LMOD1: variants seen among roughly 807,000 people sequenced by gnomAD.
LMOD1 encodes the protein leiomodin-1.
Under a neutral mutation model 36.5 loss-of-function variants are expected in LMOD1, and 8 were observed. That is an observed-to-expected ratio of 0.22 (90% CI 0.13 to 0.40). The LOEUF is 0.40. Ranked by LOEUF, LMOD1 falls within the 10% of genes least tolerant of loss-of-function variation. The pLI, the probability that LMOD1 is intolerant of heterozygous loss-of-function variation, is 1.00. For synonymous variants in LMOD1, 284 were observed against 288.7 expected, an observed-to-expected ratio of 0.98 and a Z score of 0.17; for missense variants, 630 against 751.1, an observed-to-expected ratio of 0.84 and a Z score of 1.88.
chr1:201,909,800 A>C (rs2102913875), intron 1 of LMOD1, among the ~76,000 whole-genome samples: 1 of 152,294 alleles, frequency 6.6e-6, no homozygotes, highest in East Asian at 1.9e-4. Context: ...ACGCATCCCC[A>C]TGTTACAGAA....
In LMOD1 at chr1:201,900,563, C is replaced by CTCT. The variant is rs1360038764; in HGVS notation, c.449_450insAGA (p.Glu152dup). 6.2e-7 allele frequency: 1 copy of CTCT among 1,613,858 alleles called. No homozygotes were observed. The highest frequency in any genetic ancestry group is 1.7e-5 in the Admixed American group (1 of 59,990). On this transcript the variant is annotated inframe_insertion, in exon 2 of 3. Coordinates refer to ENST00000367288, the MANE Select transcript of LMOD1 (RefSeq NM_012134.3). ...CAATGCCCCGGATGATCTTCTCCTC[C>CTCT]TTGGGCTTCTCGCCACTCTTGCCAC...
intron 1 of LMOD1, 66 bp from the exon 2 acceptor site, chr1:201,900,817 G>A: frequency 1.4e-6 from 2 of 1,396,710 alleles, no homozygotes; most frequent in South Asian, 2.8e-5. Context: ...ATGAGTATGG[G>A]GATGTGTGGG....
chr1:201,900,608 A>G lies in LMOD1; in HGVS notation c.405T>C (p.Ser135=), dbSNP rs1041202417. The G allele has an allele frequency of 5.0e-5, 80 of 1,613,458 alleles. No homozygotes were observed. Among genetic ancestry groups the G allele is most frequent in the Middle Eastern group, 1.6e-4 (1 of 6,084 alleles). ...TGCCACCAGCTTCATCTCTGTCTCTAGAGAAGCTTTTCTTTAAACCACCCC... is the reference window on the plus strand; with the variant it reads ...TGCCACCAGCTTCATCTCTGTCTCTGGAGAAGCTTTTCTTTAAACCACCCC... ...PKRGGLKKSF[S]RDRDEAGGKS... is the part of the protein sequence containing the mutation. Residue 135 remains serine, a synonymous_variant, in exon 2 of 3, where the codon TCT becomes TCC. Coordinates refer to ENST00000367288, the MANE Select transcript of LMOD1 (RefSeq NM_012134.3).
chr1:201,913,523 T>C (rs969251964), intron 1 of LMOD1, among the ~76,000 whole-genome samples: 46 of 152,030 alleles, frequency 3.0e-4, no homozygotes, highest in African/African-American at 9.9e-4. Flanking sequence ...AGGAGAATCG[T>C]CCGAAGTCAG....
intron 1 of LMOD1, among the ~76,000 whole-genome samples, chr1:201,924,678 A>AAAGAAAG (rs1553297910): frequency 2.3e-3 from 51 of 21,954 alleles, no homozygotes; most frequent in African/African-American, 4.2e-3. Context: ...AGAAAGAAAG[A>AAAGAAAG]AAGAAAGAAA....
intron 1 of LMOD1, among the ~76,000 whole-genome samples, chr1:201,909,595 A>T (rs1681460801): frequency 6.6e-6 from 1 of 152,132 alleles, no homozygotes; most frequent in South Asian, 2.1e-4. Flanking sequence ...TCGCCAGTCC[A>T]CCTGAGAAGT....
At chr1:201,902,744 TG>T (rs988134899) in intron 1 of LMOD1, among the ~76,000 whole-genome samples, 1 of 152,098 alleles carries the variant, frequency 6.6e-6, no homozygotes, top group Non-Finnish European at 1.5e-5. Flanking sequence ...CGCGCCAGGC[TG>T]GGGGCTTGAG....
At chr1:201,917,667 C>T (rs1681633708) in intron 1 of LMOD1, among the ~76,000 whole-genome samples, 1 of 152,216 alleles carries the variant, frequency 6.6e-6, no homozygotes, top group African/African-American at 2.4e-5. Context: ...GCACTCTGCT[C>T]TCTGAAGTGC....
At chr1:201,940,153 T>A (rs543038158) in intron 1 of LMOD1, among the ~76,000 whole-genome samples, 1 of 149,436 alleles carries the variant, frequency 6.7e-6, no homozygotes, top group African/African-American at 2.4e-5. Context: ...CTGTCCTGCC[T>A]CCCTCTTGCA....
intron 1 of LMOD1, among the ~76,000 whole-genome samples, chr1:201,919,783 G>A (rs1558238785): frequency 6.6e-6 from 1 of 152,144 alleles, no homozygotes; most frequent in Non-Finnish European, 1.5e-5. Context: ...TGGTACATGT[G>A]CCTTCTGGAT....
intron 1 of LMOD1, among the ~76,000 whole-genome samples, chr1:201,918,404 T>A (rs1681644582): frequency 6.6e-6 from 1 of 152,202 alleles, no homozygotes; most frequent in Non-Finnish European, 1.5e-5. Context: ...TTCTGATCCA[T>A]GGCTCCCATG....
intron 1 of LMOD1, among the ~76,000 whole-genome samples, chr1:201,906,555 TC>T (rs1681416691): frequency 6.6e-6 from 1 of 152,094 alleles, no homozygotes; most frequent in Non-Finnish European, 1.5e-5. Flanking sequence ...CTGTCAAAGG[TC>T]CCCTGGGACA....
At chr1:201,915,212 C>T (rs1486217485) in intron 1 of LMOD1, among the ~76,000 whole-genome samples, 1 of 151,864 alleles carries the variant, frequency 6.6e-6, no homozygotes, top group Non-Finnish European at 1.5e-5. Flanking sequence ...TCTGATAGCT[C>T]CTTTAGGCCT....
Position 201,899,370 on chromosome 1 carries a change from T to TGGAG in LMOD1, c.1642_1643insCTCC (p.Glu548AlafsTer30). ...TGGTGAGAGTGAATTCTTCAGGTTC[T>TGGAG]CCATGATAAGGGGTGGAGCCAAGGG... On this transcript the variant is annotated frameshift_variant, in exon 2 of 3. Transcript: ENST00000367288. LOFTEE classifies it high-confidence loss of function. This position sits in a 1 kb window ranked among gnomAD's most constrained non-coding sequence, Gnocchi z 6.3. 7.4e-7 allele frequency: 1 copy of TGGAG among 1,348,384 alleles called. No individual in the cohort carries two copies. The highest frequency in any genetic ancestry group is 1.1e-6 in the Non-Finnish European group (1 of 949,170). 83.5% of individuals were successfully genotyped at this position (1,348,384 alleles called of 1,614,324 possible). A position where few individuals can be genotyped will look rare whatever the true frequency, so the allele number is the denominator to read the frequency against.
intron 1 of LMOD1, among the ~76,000 whole-genome samples, chr1:201,943,035 C>T (rs1411920361): frequency 6.6e-6 from 1 of 152,178 alleles, no homozygotes; most frequent in Non-Finnish European, 1.5e-5. Context: ...TAGTTATGTT[C>T]CTACTCATGG....
At chr1:201,924,681 GAAAGAAAGA>G (rs1681791434) in intron 1 of LMOD1, among the ~76,000 whole-genome samples, 1 of 35,246 alleles carries the variant, frequency 2.8e-5, no homozygotes, top group African/African-American at 5.8e-5. Context: ...AAGAAAGAAA[GAAAGAAAGA>G]AAGAAAGAAA....
intron 1 of LMOD1, among the ~76,000 whole-genome samples, chr1:201,913,042 C>G (rs1167569844): frequency 6.6e-6 from 1 of 152,130 alleles, no homozygotes; most frequent in Non-Finnish European, 1.5e-5. Context: ...AGAGCCTGCC[C>G]ACCACTGACG....
At position 201,899,231 on chromosome 1, in the gene LMOD1, A is replaced by G. The variant is rs1681246024; in HGVS notation, c.1776+6T>C. On this transcript the variant is annotated splice_donor_region_variant and intron_variant, in intron 2 of 2. Coordinates refer to ENST00000367288, the MANE Select transcript of LMOD1 (RefSeq NM_012134.3). This position sits in a 1 kb window ranked among gnomAD's most constrained non-coding sequence, Gnocchi z 6.3. ...GCCCTGTTGGCTCATGCCCACAACT[A>G]CTTAACTTCTTGAGCTGCTTGAGGT... is the stretch of plus-strand genomic sequence containing the variant. The G allele has an allele frequency of 1.9e-6, 3 of 1,575,890 alleles. No homozygotes were observed. The highest frequency in any genetic ancestry group is 2.6e-6 in the Non-Finnish European group (3 of 1,158,196).
chr1:201,938,646 G>A (rs1463511215), intron 1 of LMOD1, among the ~76,000 whole-genome samples: 1 of 152,196 alleles, frequency 6.6e-6, no homozygotes, highest in African/African-American at 2.4e-5. Context: ...CAGTCTCAGG[G>A]ACAGGGGTCC....
Sources: allele counts gnomAD v4.1 joint callset (sites outside exome capture counted in the v4.1 genomes callset), GRCh38; gene constraint gnomAD v4.1.1; non-coding constraint Gnocchi (gnomAD v3.1); transcripts MANE v1.5; gene names NCBI Gene and HGNC (gene_info 2026-07-23, HGNC 2026-07-21).